Variants in KIF16B observed in about 807,000 individuals in gnomAD.
KIF16B encodes the protein kinesin-like protein KIF16B.
KIF16B carries 98 observed loss-of-function variants against 156.3 expected under a neutral mutation model. The observed-to-expected ratio is 0.63, with a 90% CI of 0.53 to 0.74. KIF16B has a LOEUF of 0.74. Ranked by LOEUF, KIF16B falls within the 30% of genes least tolerant of loss-of-function variation. KIF16B has a pLI of 0.00. For synonymous variants in KIF16B, 564 were observed against 583.7 expected (o/e 0.97, Z 0.49); for missense variants, 1,421 against 1,606.5 (o/e 0.88, Z 1.97).
At chr20:16,541,466 C>A (rs1268310073) in intron 1 of KIF16B, among the ~76,000 whole-genome samples, 1 of 152,192 alleles carries the variant, frequency 6.6e-6, no homozygotes, top group East Asian at 1.9e-4. Flanking sequence ...ACGGATGAGC[C>A]AAGGACAACG....
chr20:16,363,135 G>A (rs2064583676), intron 22 of KIF16B, among the ~76,000 whole-genome samples: 1 of 152,208 alleles, frequency 6.6e-6, no homozygotes, highest in Non-Finnish European at 1.5e-5. Context: ...TGTCTTCTCT[G>A]AAGGGTTGTG....
chr20:16,552,143 C>T (rs1423858903), intron 1 of KIF16B, among the ~76,000 whole-genome samples: 2 of 152,184 alleles, frequency 1.3e-5, no homozygotes, highest in African/African-American at 4.8e-5. Context: ...TGCACATGGA[C>T]ACTTCCTCTG....
intron 1 of KIF16B, among the ~76,000 whole-genome samples, chr20:16,572,529 G>A (rs912349629): frequency 6.6e-6 from 1 of 152,222 alleles, no homozygotes; most frequent in Admixed American, 6.5e-5. Context: ...TTAAAAAGAG[G>A]TCATTGAAAA....
chr20:16,504,231 G>T (rs2068709690), intron 10 of KIF16B, 141 bp downstream of exon 10: 4 of 771,684 alleles, frequency 5.2e-6, no homozygotes, highest in Non-Finnish European at 8.4e-6. Flanking sequence ...GTAAACGAGG[G>T]ACTGGCTAAC....
At chr20:16,515,940 T>C (rs1458119506) in intron 3 of KIF16B, among the ~76,000 whole-genome samples, 3 of 152,200 alleles carry the variant, frequency 2.0e-5, no homozygotes, top group Non-Finnish European at 4.4e-5. Flanking sequence ...CAAGGCAAAG[T>C]GAAAATCATG....
rs1243366091 is a variant in KIF16B, at chr20:16,317,458, T to C, written c.3712-5040A>G. Among the ~76,000 whole-genome samples the C allele has an allele frequency of 2.0e-5, 3 of 152,358 alleles. No individual in the cohort carries two copies. The East Asian group carries it at 5.8e-4, about 29-fold the overall frequency. The stretch of plus-strand genomic sequence containing the variant: ...AGTAATGGAAGAAAAAGAATTTCTT[T>C]CTTTCTGTAAGATTTCATTTTCGTA... On this transcript the variant is annotated intron_variant, in intron 24 of 25. Transcript: ENST00000354981.
At chr20:16,557,156 T>TACACACACACACAC (rs113887018) in intron 1 of KIF16B, among the ~76,000 whole-genome samples, 35 of 119,814 alleles carry the variant, frequency 2.9e-4, no homozygotes, top group African/African-American at 1.1e-3. Flanking sequence ...ACTATATATA[T>TACACACACACACAC]ATACACACAC....
At chr20:16,330,375 A>C (rs968557209) in intron 24 of KIF16B, among the ~76,000 whole-genome samples, 13 of 152,222 alleles carry the variant, frequency 8.5e-5, no homozygotes, top group Non-Finnish European at 1.9e-4. Flanking sequence ...ATGGTTAAGG[A>C]ATTCTTAAAC....
rs776754950 is a variant in KIF16B at position 16,367,468 on chromosome 20, C to T, written c.3498+3118G>A. The T allele has an allele frequency of 1.1e-5, 18 of 1,612,714 alleles. No individual in the cohort carries two copies. The highest frequency in any genetic ancestry group is 1.6e-4 in the Middle Eastern group (1 of 6,084). ...AGGAGGTATGTTTCGAGATCGAATG[C>T]GTGGATAAAAAACACAGTCTTCCTT... On this transcript the variant is annotated intron_variant, in intron 22 of 25. Coordinates refer to ENST00000354981, the MANE Select transcript of KIF16B (RefSeq NM_024704.5).
At chr20:16,495,979 C>A (rs2068441394) in intron 11 of KIF16B, among the ~76,000 whole-genome samples, 1 of 152,204 alleles carries the variant, frequency 6.6e-6, no homozygotes, top group Admixed American at 6.5e-5. Flanking sequence ...GTGTGAGCCA[C>A]TGCACCTGGC....
At chr20:16,318,073 G>A (rs1181224294) in intron 24 of KIF16B, among the ~76,000 whole-genome samples, 2 of 151,994 alleles carry the variant, frequency 1.3e-5, no homozygotes, top group Admixed American at 6.5e-5. Context: ...AGTGGTCTGC[G>A]CATGCCATAG....
intron 12 of KIF16B, among the ~76,000 whole-genome samples, chr20:16,445,093 T>G (rs886875233): frequency 6.6e-6 from 1 of 152,048 alleles, no homozygotes; most frequent in Admixed American, 6.6e-5. Flanking sequence ...TCCTAGCTAC[T>G]CAGCAGGCTG....
At chr20:16,281,905 G>A (rs186543638) in intron 25 of KIF16B, among the ~76,000 whole-genome samples, 1 of 152,186 alleles carries the variant, frequency 6.6e-6, no homozygotes, top group East Asian at 1.9e-4. Context: ...ACTGGTTCAA[G>A]GTGTGCTGTG....
intron 1 of KIF16B, 67 bp from the exon 2 acceptor site, chr20:16,528,507 C>T (rs1010226594): frequency 1.7e-6 from 2 of 1,178,974 alleles, no homozygotes; most frequent in Non-Finnish European, 2.5e-6. Flanking sequence ...CAAAACTAAA[C>T]CCATTTGTTT....
chr20:16,364,869 CG>C (rs1410907102), intron 22 of KIF16B, among the ~76,000 whole-genome samples: 1 of 152,136 alleles, frequency 6.6e-6, no homozygotes, highest in Non-Finnish European at 1.5e-5. Context: ...GATTTTTATA[CG>C]ATGCTCGTAT....
rs572567205 is a variant in KIF16B, at chr20:16,304,676, C to T, written c.3795+7659G>A. On this transcript the variant is annotated intron_variant, in intron 25 of 25. Coordinates refer to ENST00000354981, the MANE Select transcript of KIF16B (RefSeq NM_024704.5). ...TCTATTATTATATGTTTTGTAAGAT[C>T]AGCAGAGAATAGATGAAAAGAACAT... Among the ~76,000 whole-genome samples the T allele has an allele frequency of 1.6e-3, 240 of 152,270 alleles. 1 individual carries two copies. Among genetic ancestry groups the T allele is most frequent in the Middle Eastern group, 3.4e-3 (1 of 294 alleles).
Position 16,512,873 on chromosome 20 carries a change from T to C in KIF16B, c.399A>G (p.Ile133Met), listed in dbSNP as rs2069001532. The change falls in exon 5 of 26, where the codon ATA (isoleucine) becomes ATG (methionine). Residue 133 changes from isoleucine to methionine, a missense_variant. Ile to Met is a conservative substitution (Grantham distance 10). Coordinates refer to ENST00000354981, the MANE Select transcript of KIF16B (RefSeq NM_024704.5). ...CTTCATCCCATCTGGTGGTTTCATTTATCCGACTGAAGAGTCCTTCACAGA... is the reference window on the plus strand; with the variant it reads ...CTTCATCCCATCTGGTGGTTTCATTCATCCGACTGAAGAGTCCTTCACAGA... ...PRICEGLFSR[I>M]NETTRWDEAS... is the part of the protein sequence containing the mutation. The C allele has an allele frequency of 1.2e-6, 2 of 1,614,120 alleles. No homozygotes were observed. The highest frequency in any genetic ancestry group is 2.2e-5 in the East Asian group (1 of 44,882).
intron 24 of KIF16B, among the ~76,000 whole-genome samples, chr20:16,332,529 T>C (rs1197834507): frequency 1.3e-5 from 2 of 152,194 alleles, no homozygotes; most frequent in Admixed American, 1.3e-4. Context: ...GGGTTCTCCT[T>C]TATATATAAC....
intron 23 of KIF16B, among the ~76,000 whole-genome samples, chr20:16,351,134 T>C (rs1049839493): frequency 6.6e-6 from 1 of 152,112 alleles, no homozygotes; most frequent in African/African-American, 2.4e-5. Flanking sequence ...TTCTGCCGAT[T>C]ACTTCCAGAT....
Sources: gnomAD v4.1 joint callset for allele counts (sites outside exome capture counted in the v4.1 genomes callset) on GRCh38, gnomAD v4.1.1 for gene constraint, MANE v1.5 for transcripts, NCBI Gene and HGNC (gene_info 2026-07-23, HGNC 2026-07-21) for gene names.